Variants in GRM5 observed in about 807,000 individuals in gnomAD.
GRM5 encodes the protein glutamate metabotropic receptor 5.
A neutral mutation model predicts 83.1 loss-of-function variants in GRM5; 19 were observed. The ratio of observed to expected loss-of-function variants is 0.23; its 90% CI spans 0.16 to 0.34. The LOEUF is 0.34. GRM5 is among the 10% of genes least tolerant of loss of function. GRM5 has a pLI of 1.00. For missense variants in GRM5, 1,160 were observed against 1,588.3 expected (o/e 0.73, Z 4.58); for synonymous variants, 675 against 633.6 (o/e 1.07, Z -0.98).
At chr11:88,784,225 T>A (rs950198887) in intron 3 of GRM5, among the ~76,000 whole-genome samples, 3 of 152,086 alleles carry the variant, frequency 2.0e-5, no homozygotes, top group African/African-American at 7.2e-5. Context: ...TCTGCTGAGA[T>A]GTCAAAGACA....
chr11:88,776,019 T>C (rs535441327), intron 3 of GRM5, among the ~76,000 whole-genome samples: 1 of 152,082 alleles, frequency 6.6e-6, no homozygotes, highest in African/African-American at 2.4e-5. Context: ...CTTGTTGATC[T>C]GTCTAATATT....
At chr11:88,985,387 C>T (rs1354359949) in intron 2 of GRM5, among the ~76,000 whole-genome samples, 11 of 152,006 alleles carry the variant, frequency 7.2e-5, no homozygotes, top group Non-Finnish European at 2.9e-5. Context: ...AACTAAGAGT[C>T]AAGCTATTAG....
chr11:88,778,834 GT>G (rs907410242), intron 3 of GRM5, among the ~76,000 whole-genome samples: 1 of 152,036 alleles, frequency 6.6e-6, no homozygotes, highest in Admixed American at 6.6e-5. Flanking sequence ...GTTTTTTCAA[GT>G]TATCTATCAC....
rs115037929 is a variant in GRM5, at chr11:88,683,263, A to G, written c.912-29860T>C. Among the ~76,000 whole-genome samples the G allele has an allele frequency of 2.0e-3, 304 of 152,280 alleles. 2 individuals are homozygous for G. Among genetic ancestry groups the G allele is most frequent in the African/African-American group, 7.0e-3 (291 of 41,572 alleles). On this transcript the variant is annotated intron_variant, in intron 3 of 9. Transcript: ENST00000305447. ...GGTATTGTCAATGCCCCCATGGGGT[A>G]TGGGTGTTTGTGAATCCCTGATGTT...
chr11:88,599,040 G>GACTGCTCCAAATCCTGGGT (rs1565354611), intron 5 of GRM5, among the ~76,000 whole-genome samples: 1 of 152,122 alleles, frequency 6.6e-6, no homozygotes, highest in Non-Finnish European at 1.5e-5. Flanking sequence ...TTCCTTATTA[G>GACTGCTCCAAATCCTGGGT]ACTGCTCCAA....
intron 4 of GRM5, among the ~76,000 whole-genome samples, chr11:88,614,940 A>G (rs1195772417): frequency 6.6e-6 from 1 of 152,190 alleles, no homozygotes; most frequent in Non-Finnish European, 1.5e-5. Flanking sequence ...TATTCTAAAT[A>G]AGAGATAAAC....
At chr11:88,920,949 T>C (rs538741252) in intron 2 of GRM5, among the ~76,000 whole-genome samples, 1 of 152,278 alleles carries the variant, frequency 6.6e-6, no homozygotes, top group Admixed American at 6.5e-5. Flanking sequence ...AAAACATATA[T>C]GTGCAGGTTA....
chr11:88,559,536 T>C (rs1317509660), intron 8 of GRM5, among the ~76,000 whole-genome samples: 1 of 152,206 alleles, frequency 6.6e-6, no homozygotes, highest in African/African-American at 2.4e-5. Flanking sequence ...GTTGTGGATA[T>C]AAAAAGATTC....
intron 2 of GRM5, among the ~76,000 whole-genome samples, chr11:88,859,189 A>G (rs1218062604): frequency 6.6e-6 from 1 of 152,120 alleles, no homozygotes; most frequent in Non-Finnish European, 1.5e-5. Flanking sequence ...TGTGAATGGG[A>G]GTAAAAAAAG....
intron 3 of GRM5, among the ~76,000 whole-genome samples, chr11:88,675,998 C>T (rs975894995): frequency 6.6e-6 from 1 of 151,932 alleles, no homozygotes; most frequent in African/African-American, 2.4e-5. Context: ...GGAACTGCAG[C>T]TCTGGTTCCA....
chr11:88,959,096 T>C (rs962142356), intron 2 of GRM5, among the ~76,000 whole-genome samples: 1 of 152,096 alleles, frequency 6.6e-6, no homozygotes, highest in African/African-American at 2.4e-5. Context: ...TTTAATACTA[T>C]ATAAAAATAG....
At chr11:88,719,321 G>A (rs1349813570) in intron 3 of GRM5, among the ~76,000 whole-genome samples, 4 of 151,956 alleles carry the variant, frequency 2.6e-5, no homozygotes, top group Non-Finnish European at 5.9e-5. Context: ...TGCAGTGTTT[G>A]GTTTTCTGTT....
chr11:88,799,170 A>G (rs1307162139), intron 3 of GRM5, among the ~76,000 whole-genome samples: 1 of 152,134 alleles, frequency 6.6e-6, no homozygotes, highest in African/African-American at 2.4e-5. Flanking sequence ...TACTAAGAAA[A>G]TGTTCACATA....
At chr11:89,055,061 G>A (rs1249766039) in intron 1 of GRM5, among the ~76,000 whole-genome samples, 1 of 152,156 alleles carries the variant, frequency 6.6e-6, no homozygotes, top group East Asian at 1.9e-4. Flanking sequence ...CTCCTTGGGA[G>A]CCTATTAGTC....
At chr11:88,745,186 CTTTTTA>C (rs202062633) in intron 3 of GRM5, among the ~76,000 whole-genome samples, 3,353 of 51,144 alleles carry the variant, frequency 0.066, 153 homozygotes, top group African/African-American at 0.15. Flanking sequence ...ATTTTTTTTT[CTTTTTA>C]TTTTTCTTTT....
intron 3 of GRM5, among the ~76,000 whole-genome samples, chr11:88,668,297 GCACACACACACACACACACA>G (rs72052705): frequency 1.5e-5 from 2 of 130,034 alleles, no homozygotes; most frequent in African/African-American, 6.0e-5. Flanking sequence ...CCAGAAACTC[GCACACACACACACACACACA>G]CACACACACA....
chr11:89,053,876 C>G (rs1234957996), intron 1 of GRM5, among the ~76,000 whole-genome samples: 1 of 152,050 alleles, frequency 6.6e-6, no homozygotes, highest in Admixed American at 6.6e-5. Context: ...AAATACAAAG[C>G]CCCTAAGACA....
At chr11:88,952,142 A>G (rs1468601208) in intron 2 of GRM5, among the ~76,000 whole-genome samples, 1 of 151,996 alleles carries the variant, frequency 6.6e-6, no homozygotes, top group South Asian at 2.1e-4. Flanking sequence ...ACACACACAC[A>G]CACATTGCTA....
At chr11:88,908,645 A>C (rs1208162566) in intron 2 of GRM5, among the ~76,000 whole-genome samples, 1 of 152,168 alleles carries the variant, frequency 6.6e-6, no homozygotes, top group African/African-American at 2.4e-5. Flanking sequence ...CCTTATTTTA[A>C]CAAAGTATCT....
Sources: gnomAD v4.1 joint callset for allele counts (sites outside exome capture counted in the v4.1 genomes callset) on GRCh38, gnomAD v4.1.1 for gene constraint, MANE v1.5 for transcripts, NCBI Gene and HGNC (gene_info 2026-07-23, HGNC 2026-07-21) for gene names.